MYO1E: variants seen among roughly 807,000 people sequenced by gnomAD.
MYO1E encodes the protein myosin IE.
A neutral mutation model predicts 151.1 loss-of-function variants in MYO1E; 68 were observed. That is an observed-to-expected ratio of 0.45 (90% CI 0.37 to 0.55). The LOEUF is 0.55. Ranked by LOEUF, MYO1E falls within the 20% of genes least tolerant of loss-of-function variation. The pLI, the probability that MYO1E is intolerant of heterozygous loss-of-function variation, is 0.00. For missense variants in MYO1E, 1,363 were observed against 1,389.3 expected (o/e 0.98, Z 0.30); for synonymous variants, 601 against 501.7 (o/e 1.20, Z -2.64).
chr15:59,146,928 C>G (rs1417868860), intron 26 of MYO1E, among the ~76,000 whole-genome samples: 1 of 152,134 alleles, frequency 6.6e-6, no homozygotes, highest in African/African-American at 2.4e-5. Flanking sequence ...ACAGCAACTT[C>G]TTTTTGCACC....
intron 4 of MYO1E, among the ~76,000 whole-genome samples, chr15:59,237,746 G>T (rs535701846): frequency 2.1e-4 from 32 of 152,350 alleles, no homozygotes; most frequent in African/African-American, 7.7e-4. Context: ...CAAGGAAAGA[G>T]AAAACATTTG....
chr15:59,138,071 C>G, intron 27 of MYO1E, 127 bp downstream of exon 27: 1 of 1,168,890 alleles, frequency 8.6e-7, no homozygotes, highest in South Asian at 1.2e-5. Flanking sequence ...AGCCTGAGGC[C>G]TGACCTGCCT....
intron 21 of MYO1E, among the ~76,000 whole-genome samples, chr15:59,172,308 G>A (rs1240408277): frequency 6.6e-6 from 1 of 152,194 alleles, no homozygotes; most frequent in African/African-American, 2.4e-5. Context: ...AGTGAGCCGA[G>A]ATTGCGCCAT....
intron 1 of MYO1E, among the ~76,000 whole-genome samples, chr15:59,360,496 C>T (rs1235127969): frequency 4.6e-5 from 7 of 152,214 alleles, no homozygotes; most frequent in African/African-American, 1.7e-4. Flanking sequence ...TTCTGTCCAG[C>T]AGGCCATCGA....
chr15:59,275,422 T>C (rs1408955467), intron 1 of MYO1E, among the ~76,000 whole-genome samples: 1 of 152,032 alleles, frequency 6.6e-6, no homozygotes, highest in East Asian at 1.9e-4. Flanking sequence ...CCTCCCTCCC[T>C]GTCTCCCTTC....
intron 2 of MYO1E, among the ~76,000 whole-genome samples, chr15:59,263,243 G>A (rs1480716272): frequency 1.3e-5 from 2 of 152,196 alleles, no homozygotes; most frequent in Admixed American, 1.3e-4. Flanking sequence ...CAGCCCAGGT[G>A]TTCAGTCAGA....
At chr15:59,285,192 G>A (rs536878962) in intron 1 of MYO1E, among the ~76,000 whole-genome samples, 95 of 152,110 alleles carry the variant, frequency 6.2e-4, no homozygotes, top group African/African-American at 2.0e-3. Context: ...CTGTGCCTTG[G>A]GCAAGGCCAG....
Position 59,159,146 on chromosome 15 carries a change from G to A in MYO1E, c.2786-767C>T, listed in dbSNP as rs1181729917. Among the ~76,000 whole-genome samples, 1 of 152,214 alleles carries A rather than the reference G, an allele frequency of 6.6e-6. No individual in the cohort carries two copies. Among genetic ancestry groups the A allele is most frequent in the African/African-American group, 2.4e-5 (1 of 41,448 alleles). On this transcript the variant is annotated intron_variant, in intron 24 of 27. Transcript: ENST00000288235. This position sits in a 1 kb window ranked among gnomAD's most constrained non-coding sequence, Gnocchi z 4.4. ...AATAGAGAAGGGTAGGAGGTGACAAGGTGCACAGTGCAAACACAGCAAAGG... is the reference window on the plus strand; with the variant it reads ...AATAGAGAAGGGTAGGAGGTGACAAAGTGCACAGTGCAAACACAGCAAAGG...
At chr15:59,330,009 A>C (rs990230165) in intron 1 of MYO1E, among the ~76,000 whole-genome samples, 1 of 152,198 alleles carries the variant, frequency 6.6e-6, no homozygotes, top group African/African-American at 2.4e-5. Flanking sequence ...CTGATGCTTT[A>C]TTTTTTAAGA....
At chr15:59,220,236 G>A (rs2079945831) in intron 9 of MYO1E, among the ~76,000 whole-genome samples, 1 of 152,202 alleles carries the variant, frequency 6.6e-6, no homozygotes, top group African/African-American at 2.4e-5. Flanking sequence ...ATCATCTGAG[G>A]TCAGGAGTTT....
intron 1 of MYO1E, among the ~76,000 whole-genome samples, chr15:59,319,887 A>G (rs1361230498): frequency 1.3e-5 from 2 of 152,082 alleles, no homozygotes; most frequent in African/African-American, 2.4e-5. Context: ...GGGCAACAAG[A>G]GCAAAACTCC....
intron 4 of MYO1E, among the ~76,000 whole-genome samples, chr15:59,240,903 G>GC (rs1180116038): frequency 6.6e-6 from 1 of 152,214 alleles, no homozygotes; most frequent in African/African-American, 2.4e-5. Flanking sequence ...TAAGCCGAAG[G>GC]CCAGAATGAG....
intron 1 of MYO1E, among the ~76,000 whole-genome samples, chr15:59,358,248 G>A (rs2080865839): frequency 6.6e-6 from 1 of 151,890 alleles, no homozygotes; most frequent in African/African-American, 2.4e-5. Context: ...AGGAGAAAGA[G>A]GAAGAGGAGG....
chr15:59,171,132 C>T (rs1166472504), intron 22 of MYO1E: 1 of 155,948 alleles, frequency 6.4e-6, no homozygotes, highest in Non-Finnish European at 1.5e-5. Flanking sequence ...GGAACTTAGT[C>T]TAGGAGTTCT....
intron 10 of MYO1E, among the ~76,000 whole-genome samples, 173 bp downstream of exon 10, chr15:59,217,718 G>C (rs767070286): frequency 6.6e-6 from 1 of 151,578 alleles, no homozygotes; most frequent in South Asian, 2.1e-4. Flanking sequence ...TGTAGAGACA[G>C]GGTCTCACCA....
intron 1 of MYO1E, among the ~76,000 whole-genome samples, chr15:59,366,439 C>T (rs756941603): frequency 1.6e-4 from 24 of 152,274 alleles, no homozygotes; most frequent in South Asian, 6.2e-4. Flanking sequence ...TAGTGCATGA[C>T]ACCACACGTG....
intron 1 of MYO1E, among the ~76,000 whole-genome samples, chr15:59,278,164 G>A (rs1234714399): frequency 6.6e-6 from 1 of 152,196 alleles, no homozygotes; most frequent in Non-Finnish European, 1.5e-5. Flanking sequence ...GACGCTGTGT[G>A]GACAGTAAGA....
intron 1 of MYO1E, among the ~76,000 whole-genome samples, chr15:59,332,783 T>C (rs1330748037): frequency 6.6e-6 from 1 of 152,116 alleles, no homozygotes; most frequent in East Asian, 1.9e-4. Flanking sequence ...CTCAAAGCCC[T>C]GAGACCAAAG....
chr15:59,224,873 C>T (rs899896880), intron 7 of MYO1E, 50 bp from the exon 8 acceptor site: 22 of 1,613,054 alleles, frequency 1.4e-5, no homozygotes, highest in South Asian at 4.4e-5. Context: ...ACAAGGCACC[C>T]GAAGTCACTC....
Sources: allele counts gnomAD v4.1 joint callset (sites outside exome capture counted in the v4.1 genomes callset), GRCh38; gene constraint gnomAD v4.1.1; non-coding constraint Gnocchi (gnomAD v3.1); transcripts MANE v1.5; gene names NCBI Gene and HGNC (gene_info 2026-07-23, HGNC 2026-07-21).